The following DIAPH2 variants were observed in gnomAD, a reference collection of about 807,000 sequenced individuals.
DIAPH2 encodes the protein diaphanous related formin 2, also known as protein diaphanous homolog 2.
DIAPH2 carries 35 observed loss-of-function variants against 92.7 expected under a neutral mutation model. The observed-to-expected ratio is 0.38, with a 90% CI of 0.29 to 0.50. DIAPH2 has a LOEUF of 0.50. Among genes scored for constraint, DIAPH2 ranks in the 20% least tolerant of loss-of-function variants. The pLI is 0.94. For missense variants in DIAPH2, 701 were observed against 819.5 expected, an observed-to-expected ratio of 0.86 and a Z score of 1.77; for synonymous variants, 301 against 280.4, an observed-to-expected ratio of 1.07 and a Z score of -0.73.
intron 21 of DIAPH2, among the ~76,000 whole-genome samples, chrX:97,131,606 G>C (rs929992436): frequency 8.9e-6 from 1 of 111,837 alleles, no homozygotes; most frequent in Non-Finnish European, 1.9e-5. Flanking sequence ...AACAATTTAA[G>C]TAAAATGCTC....
intron 17 of DIAPH2, among the ~76,000 whole-genome samples, chrX:97,045,848 A>ACTTTTTTTTTTTT (rs1239959717): frequency 1.6e-5 from 1 of 64,445 alleles, no homozygotes; most frequent in African/African-American, 6.0e-5. Flanking sequence ...GTATTTTAGG[A>ACTTTTTTTTTTTT]TTTTTTTTTT....
intron 26 of DIAPH2, among the ~76,000 whole-genome samples, chrX:97,573,084 T>A (rs1307178099): frequency 9.0e-6 from 1 of 111,687 alleles, no homozygotes; most frequent in Non-Finnish European, 1.9e-5. Context: ...GTCCTTAATG[T>A]TTCGTTAGTC....
At chrX:96,928,847 A>G (rs1361786788) in intron 9 of DIAPH2, among the ~76,000 whole-genome samples, 1 of 111,607 alleles carries the variant, frequency 9.0e-6, no homozygotes, top group Non-Finnish European at 1.9e-5. Flanking sequence ...ATGTAAAGTG[A>G]GTATTTAATA....
At chrX:96,764,762 G>T (rs1396004221) in intron 4 of DIAPH2, among the ~76,000 whole-genome samples, 1 of 111,640 alleles carries the variant, frequency 9.0e-6, no homozygotes, top group Admixed American at 9.5e-5. Context: ...AGAAGTACTG[G>T]ATTCTGATAG....
rs1371937843 is a variant in DIAPH2, at chrX:97,224,448, T to G, written c.2720-23267T>G. Among the ~76,000 whole-genome samples, 3 of 112,397 alleles carry G rather than the reference T, an allele frequency of 2.7e-5. 1 individual carries two copies. Among genetic ancestry groups the G allele is most frequent in the Middle Eastern group, 8.4e-3 (2 of 238 alleles). On this transcript the variant is annotated intron_variant, in intron 22 of 26. Transcript: ENST00000324765. ...GTGCTAATCTAACAACAAACTCATT[T>G]TCTTCTTTCATTCTTGAGGGAAAGA...
intron 17 of DIAPH2, among the ~76,000 whole-genome samples, chrX:97,005,374 A>G (rs1349635503): frequency 4.7e-5 from 5 of 107,203 alleles, no homozygotes; most frequent in African/African-American, 1.7e-4. Flanking sequence ...ATTGGTATGA[A>G]TTCTTCTTTA....
intron 4 of DIAPH2, among the ~76,000 whole-genome samples, chrX:96,791,324 T>G (rs1224935504): frequency 8.9e-6 from 1 of 112,081 alleles, no homozygotes; most frequent in Non-Finnish European, 1.9e-5. Context: ...ATATATTGTT[T>G]TAAAAAATGT....
At chrX:97,456,964 T>C (rs1267805957) in intron 26 of DIAPH2, among the ~76,000 whole-genome samples, 1 of 112,358 alleles carries the variant, frequency 8.9e-6, no homozygotes, top group Non-Finnish European at 1.9e-5. Context: ...AACAAATATC[T>C]ATTTAGTGTT....
intron 17 of DIAPH2, among the ~76,000 whole-genome samples, chrX:96,972,254 G>C: frequency 9.0e-6 from 1 of 111,671 alleles, no homozygotes; most frequent in East Asian, 2.8e-4. Context: ...TACGTGTACT[G>C]TAAAGCACTA....
intron 24 of DIAPH2, among the ~76,000 whole-genome samples, chrX:97,374,211 G>A (rs1170536505): frequency 1.8e-5 from 2 of 111,324 alleles, no homozygotes; most frequent in East Asian, 5.7e-4. Flanking sequence ...ATGCAATGCT[G>A]TCTGTAGGAA....
At chrX:97,598,423 G>A (rs924780042) in intron 26 of DIAPH2, among the ~76,000 whole-genome samples, 2 of 111,814 alleles carry the variant, frequency 1.8e-5, no homozygotes, top group Non-Finnish European at 3.8e-5. Context: ...TAGGGACCTA[G>A]TCTCATTCTA....
chrX:96,980,827 G>A (rs773995627), intron 17 of DIAPH2, among the ~76,000 whole-genome samples: 11 of 109,000 alleles, frequency 1.0e-4, no homozygotes, highest in African/African-American at 3.3e-4. Flanking sequence ...TTATGTTCCC[G>A]TGATTTAGTA....
intron 26 of DIAPH2, among the ~76,000 whole-genome samples, chrX:97,587,651 C>T (rs2071488018): frequency 9.0e-6 from 1 of 111,660 alleles, no homozygotes; most frequent in Admixed American, 9.5e-5. Flanking sequence ...TGCATCTAAT[C>T]TCATTGTCCC....
chrX:97,568,089 C>A (rs2071339576), intron 26 of DIAPH2, among the ~76,000 whole-genome samples: 1 of 80,279 alleles, frequency 1.2e-5, no homozygotes, highest in Non-Finnish European at 2.2e-5. Flanking sequence ...GCATGCCAGC[C>A]TGGGCGACAG....
chrX:96,834,881 A>T (rs1265357048), intron 4 of DIAPH2, among the ~76,000 whole-genome samples: 1 of 111,816 alleles, frequency 8.9e-6, no homozygotes, highest in Non-Finnish European at 1.9e-5. Context: ...TCTTAATGGA[A>T]ACTAAAATTT....
rs5903060 is a variant in DIAPH2, at chrX:96,927,282, A to ATTTTT, written c.979-3435_979-3431dup. ...GATTATTTTCTGTCTCTGGAGTTGA[A>ATTTTT]TTTTTTTTTTTTTTTTTTTTGGAAA... On this transcript the variant is annotated intron_variant, in intron 9 of 26. Coordinates refer to ENST00000324765, the MANE Select transcript of DIAPH2 (RefSeq NM_006729.5). 7.7e-3 allele frequency among the ~76,000 whole-genome samples: 633 copies of ATTTTT among 81,898 alleles called. 1 individual carries two copies. Among genetic ancestry groups the ATTTTT allele is most frequent in the African/African-American group, 0.018 (405 of 22,386 alleles). 71.1% of individuals were successfully genotyped at this position (81,898 alleles called of 115,157 possible).
At chrX:96,803,803 G>C (rs1204537443) in intron 4 of DIAPH2, among the ~76,000 whole-genome samples, 2 of 112,013 alleles carry the variant, frequency 1.8e-5, no homozygotes, top group Non-Finnish European at 1.9e-5. Context: ...ACTTTGGGAG[G>C]CTGAGGCGGG....
At chrX:96,870,594 A>G (rs896750811) in intron 4 of DIAPH2, among the ~76,000 whole-genome samples, 1 of 110,388 alleles carries the variant, frequency 9.1e-6, no homozygotes, top group East Asian at 2.8e-4. Context: ...CCATTTATTC[A>G]TGTGACAATT....
chrX:96,999,660 A>G lies in DIAPH2; in HGVS notation c.2050+34453A>G, dbSNP rs1171583550. Among the ~76,000 whole-genome samples, 3 of 111,018 alleles carry G rather than the reference A, an allele frequency of 2.7e-5. No homozygotes were observed. In the Admixed American group the frequency reaches 2.9e-4, roughly 11 times the overall value. On this transcript the variant is annotated intron_variant, in intron 17 of 26. Coordinates refer to ENST00000324765, the MANE Select transcript of DIAPH2 (RefSeq NM_006729.5). ...GTAAGAACCATGAAGTAAATGTACA[A>G]AATGTTGGTACATGTATCCATTGTT...
Sources: gnomAD v4.1 joint callset for allele counts (sites outside exome capture counted in the v4.1 genomes callset) on GRCh38, gnomAD v4.1.1 for gene constraint, MANE v1.5 for transcripts, NCBI Gene and HGNC (gene_info 2026-07-23, HGNC 2026-07-21) for gene names.